Variants in MTCL2 observed in about 807,000 individuals in gnomAD.
MTCL2 encodes the protein microtubule cross-linking factor 2.
At chr20:36,815,701 C>T in the MTCL2 span, 14 of 1,603,750 alleles carry the variant, frequency 8.7e-6, no homozygotes, top group African/African-American at 1.5e-4. The surrounding 1 kb of genome is among the most constrained non-coding windows in gnomAD (Gnocchi z 5.3). Flanking sequence ...CTGAGCTCGC[C>T]GATCTGCAGC....
chr20:36,841,764 T>C, the MTCL2 span, among the ~76,000 whole-genome samples: 1 of 151,894 alleles, frequency 6.6e-6, no homozygotes, highest in Admixed American at 6.6e-5. Context: ...GGTGGCAAAA[T>C]CTCAGCTCGC....
At chr20:36,804,857 T>C in the MTCL2 span, 1 of 1,613,950 alleles carries the variant, frequency 6.2e-7, no homozygotes, top group Non-Finnish European at 8.5e-7. Flanking sequence ...CACAGCTCCT[T>C]CAGCGTCACC....
At chr20:36,787,507 GC>G in the MTCL2 span, among the ~76,000 whole-genome samples, 3 of 152,092 alleles carry the variant, frequency 2.0e-5, no homozygotes, top group East Asian at 5.8e-4. Context: ...GCAGGTGTGA[GC>G]CACTGTGCCT....
the MTCL2 span, chr20:36,815,990 A>G: frequency 6.2e-7 from 1 of 1,613,522 alleles, no homozygotes; most frequent in Non-Finnish European, 8.5e-7. The surrounding 1 kb of genome is among the most constrained non-coding windows in gnomAD (Gnocchi z 5.3). Context: ...AGCCACCTCC[A>G]TGATCCTTCA....
chr20:36,848,939 CAGT>C, the MTCL2 span, among the ~76,000 whole-genome samples: 1 of 151,802 alleles, frequency 6.6e-6, no homozygotes, highest in Non-Finnish European at 1.5e-5. Flanking sequence ...TTACACTCAT[CAGT>C]AGTTTGAAAT....
At chr20:36,786,712 T>G in the MTCL2 span, 1 of 1,382,034 alleles carries the variant, frequency 7.2e-7, no homozygotes, top group Non-Finnish European at 9.8e-7. Flanking sequence ...CTGTGTGGTA[T>G]GCCAGGCAAG....
chr20:36,839,816 T>A, the MTCL2 span, among the ~76,000 whole-genome samples: 1 of 152,140 alleles, frequency 6.6e-6, no homozygotes, highest in Non-Finnish European at 1.5e-5. This position sits in a 1 kb window ranked among gnomAD's most constrained non-coding sequence, Gnocchi z 5.1. Flanking sequence ...AAACCTTGAT[T>A]TCTAGACCTT....
chr20:36,805,006 G>T, the MTCL2 span: 1 of 1,323,468 alleles, frequency 7.6e-7, no homozygotes, highest in Non-Finnish European at 1.0e-6. Flanking sequence ...ACTTCACGAG[G>T]CCTCAGGCAA....
the MTCL2 span, chr20:36,783,710 G>A: frequency 2.1e-6 from 2 of 968,922 alleles, no homozygotes; most frequent in Admixed American, 6.2e-5. Flanking sequence ...GGGTCAGGCA[G>A]TTTTCTGCTT....
chr20:36,838,543 C>T, the MTCL2 span, among the ~76,000 whole-genome samples: 7 of 152,162 alleles, frequency 4.6e-5, no homozygotes, highest in African/African-American at 1.2e-4. Flanking sequence ...GCTATGATCA[C>T]ATCACTGCCT....
At chr20:36,817,614 T>C in the MTCL2 span, 1 of 681,964 alleles carries the variant, frequency 1.5e-6, no homozygotes, top group African/African-American at 1.8e-5. Flanking sequence ...GCACTGACTG[T>C]TGAGTAAGAG....
At chr20:36,817,283 AAG>A in the MTCL2 span, 22 of 867,944 alleles carry the variant, frequency 2.5e-5, no homozygotes, top group South Asian at 1.3e-4. Flanking sequence ...AAAAAAAAAA[AAG>A]AAAAGAAAAA....
chr20:36,793,917 C>A, the MTCL2 span: 5 of 1,551,274 alleles, frequency 3.2e-6, no homozygotes, highest in Non-Finnish European at 4.4e-6. This position sits in a 1 kb window ranked among gnomAD's most constrained non-coding sequence, Gnocchi z 6.8. Flanking sequence ...GTCTGCAGGC[C>A]CACGCTGACC....
chr20:36,843,291 C>A, the MTCL2 span, among the ~76,000 whole-genome samples: 2 of 152,178 alleles, frequency 1.3e-5, no homozygotes, highest in Non-Finnish European at 2.9e-5. Context: ...GTTGCCAGCG[C>A]CCCCTGAGGC....
the MTCL2 span, chr20:36,794,123 C>T: frequency 5.8e-6 from 9 of 1,551,346 alleles, no homozygotes; most frequent in Admixed American, 1.4e-4. The surrounding 1 kb of genome is among the most constrained non-coding windows in gnomAD (Gnocchi z 5.4). Flanking sequence ...CGCCGAGGGG[C>T]TGCCCGCTGA....
the MTCL2 span, among the ~76,000 whole-genome samples, chr20:36,838,668 A>G: frequency 6.6e-6 from 1 of 151,610 alleles, no homozygotes; most frequent in Non-Finnish European, 1.5e-5. Flanking sequence ...GTTGATACTC[A>G]ATAAACAGTA....
At chr20:36,862,617 G>A in the MTCL2 span, 3 of 1,461,608 alleles carry the variant, frequency 2.1e-6, no homozygotes, top group South Asian at 1.3e-5. Flanking sequence ...TGTGACAGCC[G>A]GCGACCCCTG....
chr20:36,857,495 G>A, the MTCL2 span, among the ~76,000 whole-genome samples: 1 of 152,148 alleles, frequency 6.6e-6, no homozygotes, highest in South Asian at 2.1e-4. Flanking sequence ...GTGGCTGTGT[G>A]TCTCTGAGCT....
the MTCL2 span, among the ~76,000 whole-genome samples, chr20:36,862,083 G>A: frequency 6.6e-6 from 1 of 152,234 alleles, no homozygotes; most frequent in Non-Finnish European, 1.5e-5. Flanking sequence ...CAGGCTGTGG[G>A]ACCGTTAGGC....
Sources: gnomAD v4.1 joint callset for allele counts (sites outside exome capture counted in the v4.1 genomes callset) on GRCh38, gnomAD v4.1.1 for gene constraint, Gnocchi (gnomAD v3.1) non-coding constraint, MANE v1.5 for transcripts, NCBI Gene and HGNC (gene_info 2026-07-23, HGNC 2026-07-21) for gene names.